Variants in VANGL2 observed in about 807,000 individuals in gnomAD.
The protein encoded by VANGL2 is VANGL planar cell polarity protein 2.
A neutral mutation model predicts 50.2 loss-of-function variants in VANGL2; 14 were observed. The observed-to-expected ratio is 0.28, with a 90% CI of 0.18 to 0.44. VANGL2 has a LOEUF of 0.44. VANGL2 is among the 20% of genes least tolerant of loss of function. The pLI is 1.00. For synonymous variants in VANGL2, 295 were observed against 297.2 expected (o/e 0.99, Z 0.08); for missense variants, 533 against 701.5 (o/e 0.76, Z 2.71).
chr1:160,417,422 G>T (rs1291925797), intron 3 of VANGL2, among the ~76,000 whole-genome samples: 1 of 152,204 alleles, frequency 6.6e-6, no homozygotes, highest in East Asian at 1.9e-4. Flanking sequence ...CAGAGAAACA[G>T]CTTGAGCAGA....
chr1:160,417,250 C>T (rs1239316987), intron 3 of VANGL2, among the ~76,000 whole-genome samples: 2 of 152,172 alleles, frequency 1.3e-5, no homozygotes, highest in African/African-American at 4.8e-5. Context: ...TCCTCAACCT[C>T]CCTAATCACT....
chr1:160,411,449 T>C (rs1259054465), intron 1 of VANGL2, among the ~76,000 whole-genome samples: 3 of 151,740 alleles, frequency 2.0e-5, no homozygotes, highest in Non-Finnish European at 2.9e-5. Flanking sequence ...TCCAAACCCC[T>C]GATCCCTGAG....
Position 160,427,134 on chromosome 1 carries a change from G to A in VANGL2, c.*1756G>A, listed in dbSNP as rs941898491. On this transcript the variant is annotated 3_prime_UTR_variant, in exon 8 of 8. Transcript: ENST00000368061. Reference sequence around the variant, plus strand: ...CCTCTGGCTGGGGCCAGGGTTATGAGATAGGCCTGTATGAAATATGTCCTG... The same window carrying A: ...CCTCTGGCTGGGGCCAGGGTTATGAAATAGGCCTGTATGAAATATGTCCTG... 4.6e-5 allele frequency: 7 copies of A among 152,764 alleles called. No homozygotes were observed. The highest frequency in any genetic ancestry group is 1.7e-4 in the African/African-American group (7 of 41,478). The allele number at this position is 152,764 out of a possible 1,614,324, so 9.5% of individuals were successfully genotyped here.
At chr1:160,403,834 C>T (rs909413315) in intron 1 of VANGL2, among the ~76,000 whole-genome samples, 1 of 152,192 alleles carries the variant, frequency 6.6e-6, no homozygotes, top group African/African-American at 2.4e-5. Context: ...CTAGACTGAG[C>T]CCTTCCACAA....
intron 1 of VANGL2, among the ~76,000 whole-genome samples, chr1:160,407,649 C>T (rs1650726104): frequency 6.6e-6 from 1 of 152,214 alleles, no homozygotes; most frequent in African/African-American, 2.4e-5. Flanking sequence ...CTACCTCGAG[C>T]AGCAGGCTAG....
chr1:160,420,742 T>C (rs997560598), intron 5 of VANGL2, among the ~76,000 whole-genome samples, 195 bp downstream of exon 5: 1 of 152,224 alleles, frequency 6.6e-6, no homozygotes. Context: ...CTTTATGCTA[T>C]GGCATGTCCC....
chr1:160,421,595 C>A (rs1651277522), intron 6 of VANGL2, among the ~76,000 whole-genome samples: 1 of 152,176 alleles, frequency 6.6e-6, no homozygotes, highest in Admixed American at 6.5e-5. Flanking sequence ...CCTCTGCCAC[C>A]AGCTGGAGAT....
rs1162109340 is a variant in VANGL2 at position 160,419,032 on chromosome 1, G to A, written c.223G>A (p.Val75Ile). Residue 75 changes from valine to isoleucine, a missense_variant, in exon 4 of 8, where the codon GTA (valine) becomes ATA (isoleucine). By Grantham distance (29) the Val-to-Ile change is conservative. Coordinates refer to ENST00000368061, the MANE Select transcript of VANGL2 (RefSeq NM_020335.3). The surrounding 1 kb of genome is among the most constrained non-coding windows in gnomAD (Gnocchi z 5.8). ...DDNWGETTTV[V>I]TGTSEHSISH... Reference sequence around the variant, plus strand: ...CAACTGGGGGGAAACGACGACAGTAGTAACGGGCACCTCAGAGCACAGCAT... The same window carrying A: ...CAACTGGGGGGAAACGACGACAGTAATAACGGGCACCTCAGAGCACAGCAT... 1.2e-6 allele frequency: 2 copies of A among 1,609,920 alleles called. No homozygotes were observed. Among genetic ancestry groups the A allele is most frequent in the Non-Finnish European group, 1.7e-6 (2 of 1,176,812 alleles).
At position 160,425,218 on chromosome 1, in the gene VANGL2, C is replaced by A; in HGVS notation, c.1406C>A (p.Thr469Asn). 6.2e-7 allele frequency: 1 copy of A among 1,614,150 alleles called. No homozygotes were observed. Among genetic ancestry groups the A allele is most frequent in the South Asian group, 1.1e-5 (1 of 91,074 alleles). The stretch of plus-strand genomic sequence containing the variant: ...ACATTGGTGAGCGAGGAGCCGGTGA[C>A]CAACGGCCTCAAGGATGGCATCGTT... The part of the protein sequence containing the change: ...QWTLVSEEPV[T>N]NGLKDGIVFL... The change falls in exon 8 of 8, where the codon ACC becomes AAC. Residue 469 changes from threonine to asparagine, a missense_variant. Thr to Asn is a moderately conservative substitution (Grantham distance 65, BLOSUM62 0). Coordinates refer to ENST00000368061, the MANE Select transcript of VANGL2 (RefSeq NM_020335.3).
At chr1:160,420,911 G>T in intron 5 of VANGL2, 141 bp from the exon 6 acceptor site, 1 of 1,281,582 alleles carries the variant, frequency 7.8e-7, no homozygotes, top group Non-Finnish European at 1.1e-6. Context: ...AGGTGGCCAG[G>T]AGGGTTGGGA....
At chr1:160,421,434 C>T (rs1466971735) in intron 6 of VANGL2, among the ~76,000 whole-genome samples, 1 of 152,202 alleles carries the variant, frequency 6.6e-6, no homozygotes, top group African/African-American at 2.4e-5. Context: ...TCAGGCCTCA[C>T]AGGCTGAAAT....
rs1006008006 is a variant in VANGL2 at position 160,426,905 on chromosome 1, TAAGATCCCCA to T, written c.*1528_*1537del. The T allele has an allele frequency of 3.3e-5, 5 of 152,310 alleles. No homozygotes were observed. The highest frequency in any genetic ancestry group is 1.2e-4 in the African/African-American group (5 of 41,472). The allele number at this position is 152,310 out of a possible 1,614,324, so 9.4% of individuals were successfully genotyped here. ...TTACCTTGCAGAGCACATCCTGGGA[TAAGATCCCCA>T]GTGTCTCCCCTGGGAGGCTCCCCCT... On this transcript the variant is annotated 3_prime_UTR_variant, in exon 8 of 8. Transcript: ENST00000368061.
intron 1 of VANGL2, among the ~76,000 whole-genome samples, chr1:160,410,116 C>T (rs570134606): frequency 6.6e-6 from 1 of 152,150 alleles, no homozygotes; most frequent in African/African-American, 2.4e-5. Flanking sequence ...CAGGCAGAAC[C>T]ACCCTTCCCT....
chr1:160,424,107 G>A lies in VANGL2; in HGVS notation c.1129G>A (p.Glu377Lys). Reference protein sequence around the residue: ...FTHIKRLQEEEQKNPREVMDP... With the variant: ...FTHIKRLQEEKQKNPREVMDP... ...TCACATTAAGCGGCTGCAGGAAGAG[G>A]AGCAGAAAAACCCCAGGGAGGTGAT... The change falls in exon 7 of 8, where the codon GAG becomes AAG. Residue 377 changes from glutamate to lysine, a missense_variant. Glu to Lys is a moderately conservative substitution (Grantham distance 56). Transcript: ENST00000368061. The A allele has an allele frequency of 1.2e-6, 2 of 1,614,146 alleles. No individual in the cohort carries two copies. Among genetic ancestry groups the A allele is most frequent in the Non-Finnish European group, 1.7e-6 (2 of 1,179,980 alleles).
At chr1:160,411,616 T>C (rs1194383181) in intron 1 of VANGL2, among the ~76,000 whole-genome samples, 3 of 151,886 alleles carry the variant, frequency 2.0e-5, no homozygotes, top group Non-Finnish European at 4.4e-5. Context: ...GGCACCTGTG[T>C]TTGGTAGGGA....
At chr1:160,425,079 T>A in intron 7 of VANGL2, 39 bp from the exon 8 acceptor site, 1 of 1,613,914 alleles carries the variant, frequency 6.2e-7, no homozygotes, top group African/African-American at 1.3e-5. Flanking sequence ...CGTGGGTAGA[T>A]GACAGAGATT....
rs1651357640 is a variant in VANGL2 at position 160,423,938 on chromosome 1, G to A, written c.1074-114G>A. On this transcript the variant is annotated intron_variant, in intron 6 of 7. Transcript: ENST00000368061. ...TGCCTCTGGCTTTGTATTACTTTGG[G>A]TGAGCACAAAGGCCTGACCTCATTC... 4.3e-6 allele frequency: 5 copies of A among 1,162,404 alleles called. No homozygotes were observed. In the East Asian group the frequency reaches 1.2e-4, roughly 28 times the overall value. 72.0% of individuals were successfully genotyped at this position (1,162,404 alleles called of 1,614,324 possible).
At position 160,412,969 on chromosome 1, in the gene VANGL2, G is replaced by T. The variant is rs1462794992; in HGVS notation, c.-190-2679G>T. Among the ~76,000 whole-genome samples, 4 of 152,206 alleles carry T rather than the reference G, an allele frequency of 2.6e-5. No homozygotes were observed. In the East Asian group the frequency reaches 7.7e-4, roughly 29 times the overall value. The stretch of plus-strand genomic sequence containing the variant: ...TTCAGTACAGTAACATGCTGTACAG[G>T]TTTGTAGCCTGGGAGCAATAGGCTA... On this transcript the variant is annotated intron_variant, in intron 1 of 7. Coordinates refer to ENST00000368061, the MANE Select transcript of VANGL2 (RefSeq NM_020335.3).
intron 1 of VANGL2, among the ~76,000 whole-genome samples, chr1:160,404,090 A>T (rs1650572028): frequency 6.6e-6 from 1 of 152,220 alleles, no homozygotes; most frequent in Non-Finnish European, 1.5e-5. Flanking sequence ...ATTCTGAGGG[A>T]TAATCATCAT....
Sources: gnomAD v4.1 joint callset for allele counts (sites outside exome capture counted in the v4.1 genomes callset) on GRCh38, gnomAD v4.1.1 for gene constraint, Gnocchi (gnomAD v3.1) non-coding constraint, MANE v1.5 for transcripts, NCBI Gene and HGNC (gene_info 2026-07-23, HGNC 2026-07-21) for gene names.